HABP4: variants seen among roughly 807,000 people sequenced by gnomAD.
The protein encoded by HABP4 is intracellular hyaluronan-binding protein 4.
In HABP4, 32 loss-of-function variants were observed where a neutral mutation model predicts 44.1. The observed-to-expected ratio is 0.73, with a 90% CI of 0.55 to 0.97. The LOEUF is 0.97. Among genes scored for constraint, HABP4 ranks in the 50% least tolerant of loss-of-function variants. The pLI, the probability that HABP4 is intolerant of heterozygous loss-of-function variation, is 0.00. For missense variants in HABP4, 503 were observed against 561.9 expected (o/e 0.90, Z 1.06); for synonymous variants, 216 against 218.0 (o/e 0.99, Z 0.08).
rs531015248 is a variant in HABP4 at position 96,473,128 on chromosome 9, T to C, written c.827+2034T>C. 1.8e-4 allele frequency among the ~76,000 whole-genome samples: 27 copies of C among 152,312 alleles called. No individual in the cohort carries two copies. The East Asian group carries it at 4.6e-3, about 26-fold the overall frequency. ...ATCTTATGCACTTCTGTGACTTAAA[T>C]TGTCGTTTACACACTAACTCTGGAA... On this transcript the variant is annotated intron_variant, in intron 5 of 7. Transcript: ENST00000375249.
chr9:96,453,474 G>C (rs1339859940), intron 1 of HABP4, among the ~76,000 whole-genome samples: 1 of 152,144 alleles, frequency 6.6e-6, no homozygotes, highest in African/African-American at 2.4e-5. Flanking sequence ...GCCTCCCAAA[G>C]TGCTGGGATT....
intron 1 of HABP4, among the ~76,000 whole-genome samples, chr9:96,452,019 A>G (rs1055329222): frequency 6.6e-6 from 1 of 152,082 alleles, no homozygotes; most frequent in African/African-American, 2.4e-5. Context: ...CGAGGTTAGG[A>G]GATCGAGACC....
At chr9:96,481,141 G>C (rs1206497035) in intron 5 of HABP4, among the ~76,000 whole-genome samples, 1 of 152,184 alleles carries the variant, frequency 6.6e-6, no homozygotes, top group Non-Finnish European at 1.5e-5. Context: ...CTGGAGTGCA[G>C]TGGTGCCATC....
rs1832251708 is a variant in HABP4, at chr9:96,450,541, C to G, written c.262C>G (p.Arg88Gly). The G allele has an allele frequency of 5.6e-6, 7 of 1,250,270 alleles. No homozygotes were observed. Among genetic ancestry groups the G allele is most frequent in the Non-Finnish European group, 7.0e-6 (7 of 997,496 alleles). 77.4% of individuals were successfully genotyped at this position (1,250,270 alleles called of 1,614,324 possible). Residue 88 changes from arginine to glycine, a missense_variant, in exon 1 of 8, where the codon CGG becomes GGG. By Grantham distance (125) the Arg-to-Gly change is moderately radical (BLOSUM62 -2). This residue lies in a region of HABP4 where 290 missense variants were observed against 300.5 expected (regional missense o/e 0.97). Transcript: ENST00000375249. The surrounding 1 kb of genome is among the most constrained non-coding windows in gnomAD (Gnocchi z 4.8). The stretch of plus-strand genomic sequence containing the variant: ...GGGCCACAGAGCCGGCGCGGGCGGC[C>G]GGAGGGAGTCGCAGAAGGAGCGCAA... ...ASGHRAGAGG[R>G]RESQKERKSL...
At chr9:96,479,001 T>C (rs1832832033) in intron 5 of HABP4, among the ~76,000 whole-genome samples, 1 of 152,210 alleles carries the variant, frequency 6.6e-6, no homozygotes, top group Admixed American at 6.5e-5. Flanking sequence ...CCCATCTGTA[T>C]TCTTTAGTAA....
intron 5 of HABP4, among the ~76,000 whole-genome samples, chr9:96,474,484 A>G (rs1008797544): frequency 2.0e-5 from 3 of 152,200 alleles, no homozygotes. Flanking sequence ...TGTGAAAGAA[A>G]ATAAAGCTTG....
chr9:96,489,915 A>G, intron 7 of HABP4, 67 bp from the exon 8 acceptor site: 1 of 984,308 alleles, frequency 1.0e-6, no homozygotes. Context: ...GGCCCTTGTT[A>G]TCCCACTGGG....
At position 96,488,163 on chromosome 9, in the gene HABP4, G is replaced by A; in HGVS notation, c.1074G>A (p.Glu358=). ...KPANDITSQL[E]INFGNLPRPG... is the part of the protein sequence containing the mutation. The stretch of plus-strand genomic sequence containing the variant: ...CCAATGACATCACATCCCAGCTGGA[G>A]ATTAATTTTGGTAACCTCCCTCGTC... The change falls in exon 7 of 8, where the codon GAG becomes GAA. Residue 358 remains glutamate, a synonymous_variant. Coordinates refer to ENST00000375249, the MANE Select transcript of HABP4 (RefSeq NM_014282.4). This position sits in a 1 kb window ranked among gnomAD's most constrained non-coding sequence, Gnocchi z 4.6. The A allele has an allele frequency of 6.2e-7, 1 of 1,613,510 alleles. No homozygotes were observed. The highest frequency in any genetic ancestry group is 8.5e-7 in the Non-Finnish European group (1 of 1,179,400).
chr9:96,485,310 TAA>T (rs34746743), intron 6 of HABP4, among the ~76,000 whole-genome samples: 22 of 152,254 alleles, frequency 1.4e-4, no homozygotes, highest in African/African-American at 5.1e-4. Flanking sequence ...CTCAGCCTTC[TAA>T]AGTGCTGGGA....
At chr9:96,459,263 TC>T (rs1026280931) in intron 2 of HABP4, among the ~76,000 whole-genome samples, 1 of 152,206 alleles carries the variant, frequency 6.6e-6, no homozygotes, top group African/African-American at 2.4e-5. Context: ...TGAAATAAAT[TC>T]CTAGCTCCAC....
intron 5 of HABP4, among the ~76,000 whole-genome samples, chr9:96,481,998 C>T (rs1435166478): frequency 4.7e-5 from 7 of 150,108 alleles, no homozygotes; most frequent in East Asian, 2.0e-4. Context: ...TGCAGTGGTG[C>T]GATCTCGGCT....
chr9:96,466,862 G>A (rs887254716), intron 4 of HABP4, among the ~76,000 whole-genome samples: 7 of 152,124 alleles, frequency 4.6e-5, no homozygotes, highest in African/African-American at 1.4e-4. Flanking sequence ...CAGGCTTCCC[G>A]CTAGTGCAGA....
At position 96,450,252 on chromosome 9, in the gene HABP4, C is replaced by T; in HGVS notation, c.-28C>T. 1.4e-6 allele frequency: 2 copies of T among 1,392,108 alleles called. No individual in the cohort carries two copies. The highest frequency in any genetic ancestry group is 1.9e-6 in the Non-Finnish European group (2 of 1,061,462). The allele number at this position is 1,392,108 out of a possible 1,614,324, so 86.2% of individuals were successfully genotyped here. ...CTGAGACGCGCTCGCGTGGGCTGCC[C>T]TCCCGGGCCCGCAGTGGTCGCGGCG... On this transcript the variant is annotated 5_prime_UTR_variant, in exon 1 of 8. Transcript: ENST00000375249. This position sits in a 1 kb window ranked among gnomAD's most constrained non-coding sequence, Gnocchi z 4.8.
Position 96,450,676 on chromosome 9 carries a change from A to C in HABP4, c.349+48A>C. The C allele has an allele frequency of 8.2e-7, 1 of 1,225,904 alleles. No homozygotes were observed. Among genetic ancestry groups the C allele is most frequent in the Non-Finnish European group, 1.0e-6 (1 of 980,848 alleles). The allele number at this position is 1,225,904 out of a possible 1,614,324, so 75.9% of individuals were successfully genotyped here. On this transcript the variant is annotated intron_variant, in intron 1 of 7. Coordinates refer to ENST00000375249, the MANE Select transcript of HABP4 (RefSeq NM_014282.4). The surrounding 1 kb of genome is among the most constrained non-coding windows in gnomAD (Gnocchi z 4.8). The stretch of plus-strand genomic sequence containing the variant: ...GCGGACCACGGCTCGGCCCGCTGTG[A>C]GACTGGGGTCCCGGGGGCCGGTTTC...
intron 5 of HABP4, among the ~76,000 whole-genome samples, chr9:96,479,292 T>TA (rs1377952623): frequency 6.6e-6 from 1 of 152,194 alleles, no homozygotes; most frequent in Non-Finnish European, 1.5e-5. Context: ...GTAACACAGT[T>TA]ACTGAAAAGT....
Position 96,482,068 on chromosome 9 carries a change from T to C in HABP4, c.828-2394T>C, listed in dbSNP as rs189522455. Among the ~76,000 whole-genome samples, 18 of 152,114 alleles carry C rather than the reference T, an allele frequency of 1.2e-4. No homozygotes were observed. In the East Asian group the frequency reaches 3.5e-3, roughly 30 times the overall value. ...CTCCTGCCTCAGCCTCCTGAGTAGC[T>C]GGGACTACAGGCACATTCCACTACA... On this transcript the variant is annotated intron_variant, in intron 5 of 7. Transcript: ENST00000375249.
chr9:96,480,678 A>G (rs978526503), intron 5 of HABP4, among the ~76,000 whole-genome samples: 1 of 152,234 alleles, frequency 6.6e-6, no homozygotes, highest in African/African-American at 2.4e-5. Flanking sequence ...ATAGTTCAAC[A>G]TGCATATCAC....
intron 4 of HABP4, among the ~76,000 whole-genome samples, chr9:96,468,102 A>T (rs1262750035): frequency 2.0e-5 from 3 of 151,940 alleles, no homozygotes. Context: ...TCTGTCTCTA[A>T]GACAGGGTCT....
chr9:96,456,759 CAAAAAAAAAAA>C (rs764603456), intron 1 of HABP4, among the ~76,000 whole-genome samples: 58 of 24,710 alleles, frequency 2.3e-3, no homozygotes, highest in East Asian at 8.6e-3. Flanking sequence ...GACTCCATCT[CAAAAAAAAAAA>C]AAAAAAAAAA....
Sources: gnomAD v4.1 joint callset for allele counts (sites outside exome capture counted in the v4.1 genomes callset) on GRCh38, gnomAD v4.1.1 for gene constraint, gnomAD v4.1.1 regional missense constraint, Gnocchi (gnomAD v3.1) non-coding constraint, MANE v1.5 for transcripts, NCBI Gene and HGNC (gene_info 2026-07-23, HGNC 2026-07-21) for gene names.